The following PNPLA1 variants were observed in gnomAD, a reference collection of about 807,000 sequenced individuals.
The protein encoded by PNPLA1 is omega-hydroxyceramide transacylase.
A neutral mutation model predicts 51.7 loss-of-function variants in PNPLA1; 36 were observed. That is an observed-to-expected ratio of 0.70 (90% CI 0.53 to 0.92). The LOEUF is 0.92. Ranked by LOEUF, PNPLA1 falls within the 40% of genes least tolerant of loss-of-function variation. PNPLA1 has a pLI of 0.00. For missense variants in PNPLA1, 658 were observed against 682.5 expected, an observed-to-expected ratio of 0.96 and a Z score of 0.40; for synonymous variants, 293 against 280.1, an observed-to-expected ratio of 1.05 and a Z score of -0.46.
intron 6 of PNPLA1, among the ~76,000 whole-genome samples, chr6:36,304,325 C>A (rs1293906471): frequency 1.3e-5 from 2 of 152,078 alleles, no homozygotes; most frequent in African/African-American, 4.8e-5. Flanking sequence ...TACTTTGACT[C>A]TTTTAATGAG....
At position 36,294,079 on chromosome 6, in the gene PNPLA1, C is replaced by T; in HGVS notation, c.505-111C>T. On this transcript the variant is annotated intron_variant, in intron 3 of 8. Transcript: ENST00000636260. This position sits in a 1 kb window ranked among gnomAD's most constrained non-coding sequence, Gnocchi z 4.2. ...TATCCTGAGGGGTCTTCTGGATCTTCCTTGATGGGCCCTTGAAGCTGGTGC... is the reference window on the plus strand; with the variant it reads ...TATCCTGAGGGGTCTTCTGGATCTTTCTTGATGGGCCCTTGAAGCTGGTGC... The T allele has an allele frequency of 7.8e-7, 1 of 1,287,670 alleles. No individual in the cohort carries two copies. Among genetic ancestry groups the T allele is most frequent in the East Asian group, 2.5e-5 (1 of 39,810 alleles). 79.8% of individuals were successfully genotyped at this position (1,287,670 alleles called of 1,614,324 possible). A position where few individuals can be genotyped will look rare whatever the true frequency, so the allele number is the denominator to read the frequency against.
chr6:36,276,431 G>A (rs1425179898), intron 1 of PNPLA1, among the ~76,000 whole-genome samples: 2 of 152,286 alleles, frequency 1.3e-5, no homozygotes, highest in East Asian at 3.9e-4. Flanking sequence ...ACATGAAAAT[G>A]TTGTAAAAGC....
intron 1 of PNPLA1, among the ~76,000 whole-genome samples, chr6:36,259,287 A>G (rs1769596138): frequency 2.0e-5 from 3 of 152,188 alleles, no homozygotes; most frequent in Admixed American, 2.0e-4. Flanking sequence ...TTTAAGCTAA[A>G]CTAAGCTGAG....
At chr6:36,284,354 G>C (rs913524286) in intron 1 of PNPLA1, among the ~76,000 whole-genome samples, 1 of 152,218 alleles carries the variant, frequency 6.6e-6, no homozygotes, top group East Asian at 1.9e-4. Context: ...TGTTTGGTTT[G>C]GTTTGAAGTG....
intron 1 of PNPLA1, among the ~76,000 whole-genome samples, chr6:36,253,178 T>C (rs1370501430): frequency 6.6e-6 from 1 of 152,136 alleles, no homozygotes; most frequent in East Asian, 1.9e-4. Flanking sequence ...AGACGCTGTC[T>C]TCATAAACAA....
At chr6:36,282,088 A>AGAAAGAAAGAAAGAAGGAAGGAAG (rs1554136580) in intron 1 of PNPLA1, among the ~76,000 whole-genome samples, 13 of 98,878 alleles carry the variant, frequency 1.3e-4, no homozygotes, top group African/African-American at 3.9e-4. Flanking sequence ...AAAGAAAGAA[A>AGAAAGAAAGAAAGAAGGAAGGAAG]GAAGGAAGGA....
intron 1 of PNPLA1, among the ~76,000 whole-genome samples, chr6:36,248,599 G>GC (rs993170944): frequency 2.4e-4 from 36 of 150,916 alleles, no homozygotes; most frequent in African/African-American, 7.8e-4. Context: ...TCGGCTCACT[G>GC]CAAGTGCCTC....
Position 36,270,592 on chromosome 6 carries a change from A to G in PNPLA1, c.133A>G (p.Thr45Ala). 1 of 1,551,640 alleles carries G rather than the reference A, an allele frequency of 6.4e-7. No individual in the cohort carries two copies. The highest frequency in any genetic ancestry group is 8.7e-7 in the Non-Finnish European group (1 of 1,147,004). Residue 45 changes from threonine (T) to alanine (A), a missense_variant, in exon 1 of 9, where the codon ACA becomes GCA. Transcript: ENST00000636260. ...GGACCTGGCCCCCCGGATGCTGGAA[A>G]CAGCCCACCGCTTTGCGGGGACATC... Reference protein sequence around the residue: ...LRDLAPRMLETAHRFAGTSAG... With the variant: ...LRDLAPRMLEAAHRFAGTSAG...
intron 1 of PNPLA1, among the ~76,000 whole-genome samples, chr6:36,271,212 G>A (rs376315718): frequency 9.2e-5 from 14 of 152,160 alleles, no homozygotes; most frequent in Non-Finnish European, 1.6e-4. Context: ...GAAGGGGTGG[G>A]GAGAGAATAC....
At chr6:36,244,126 C>T (rs1191542272) in intron 1 of PNPLA1, among the ~76,000 whole-genome samples, 2 of 152,110 alleles carry the variant, frequency 1.3e-5, no homozygotes, top group Non-Finnish European at 2.9e-5. Context: ...TCCTCTTCCA[C>T]CTCCTTTTTC....
At chr6:36,304,652 G>T (rs979869165) in intron 6 of PNPLA1, among the ~76,000 whole-genome samples, 7 of 137,794 alleles carry the variant, frequency 5.1e-5, no homozygotes, top group Admixed American at 1.5e-4. Flanking sequence ...AAAAAAAAAA[G>T]TCAGAAAATT....
chr6:36,261,315 T>C (rs1180863594), intron 1 of PNPLA1, among the ~76,000 whole-genome samples: 2 of 152,216 alleles, frequency 1.3e-5, no homozygotes, highest in Non-Finnish European at 2.9e-5. Context: ...ATGGCAATCC[T>C]CCTGTGTACC....
chr6:36,313,194 C>A lies in PNPLA1; in HGVS notation c.*1308C>A, dbSNP rs1561877187. Among the ~76,000 whole-genome samples, 1 of 152,174 alleles carries A rather than the reference C, an allele frequency of 6.6e-6. No homozygotes were observed. The highest frequency in any genetic ancestry group is 6.5e-5 in the Admixed American group (1 of 15,280). On this transcript the variant is annotated 3_prime_UTR_variant, in exon 9 of 9. Coordinates refer to ENST00000636260, the MANE Select transcript of PNPLA1 (RefSeq NM_001374623.1). ...AAGGAGGCCAAATGTCCCTCCCCTG[C>A]AGCCAACACAAATGAGGGCTCTCTG...
intron 1 of PNPLA1, among the ~76,000 whole-genome samples, chr6:36,256,186 T>C (rs980200557): frequency 6.6e-6 from 1 of 152,144 alleles, no homozygotes; most frequent in Non-Finnish European, 1.5e-5. Flanking sequence ...TGTCAATAGA[T>C]GTTACTTTAA....
At chr6:36,255,849 C>A (rs1299770706) in intron 1 of PNPLA1, among the ~76,000 whole-genome samples, 2 of 152,154 alleles carry the variant, frequency 1.3e-5, no homozygotes, top group Non-Finnish European at 2.9e-5. Flanking sequence ...TACAGGAGTC[C>A]TTCTCAAACT....
chr6:36,277,183 A>G (rs9470241), intron 1 of PNPLA1, among the ~76,000 whole-genome samples: 2,327 of 152,314 alleles, frequency 0.015, 50 homozygotes, highest in African/African-American at 0.05. Flanking sequence ...GTGCAAGTCA[A>G]CTGACGTCAG....
intron 5 of PNPLA1, among the ~76,000 whole-genome samples, chr6:36,301,445 C>T (rs1196091253): frequency 6.6e-6 from 1 of 152,054 alleles, no homozygotes; most frequent in Non-Finnish European, 1.5e-5. Context: ...ACCTTTCAGG[C>T]CCCCGACCAC....
intron 8 of PNPLA1, among the ~76,000 whole-genome samples, chr6:36,309,853 G>T (rs897488994): frequency 6.6e-6 from 1 of 152,210 alleles, no homozygotes; most frequent in Non-Finnish European, 1.5e-5. Flanking sequence ...GAGAAGGGGG[G>T]AGTGATTCAG....
At chr6:36,273,098 T>C (rs1457371558) in intron 1 of PNPLA1, among the ~76,000 whole-genome samples, 2 of 151,620 alleles carry the variant, frequency 1.3e-5, no homozygotes, top group East Asian at 3.9e-4. Flanking sequence ...ATACAAAAAT[T>C]AGCCAGGCGT....
Sources: gnomAD v4.1 joint callset for allele counts (sites outside exome capture counted in the v4.1 genomes callset) on GRCh38, gnomAD v4.1.1 for gene constraint, Gnocchi (gnomAD v3.1) non-coding constraint, MANE v1.5 for transcripts, NCBI Gene and HGNC (gene_info 2026-07-23, HGNC 2026-07-21) for gene names.